Variants in NDST4 observed in about 807,000 individuals in gnomAD.
NDST4 encodes the protein N-heparan sulfate sulfotransferase 4.
In NDST4, 63 loss-of-function variants were observed where a neutral mutation model predicts 100.8. That is an observed-to-expected ratio of 0.62 (90% CI 0.51 to 0.77). The LOEUF (loss-of-function observed/expected upper bound fraction) is 0.77. Ranked by LOEUF, NDST4 falls within the 30% of genes least tolerant of loss-of-function variation. The pLI is 0.00. For synonymous variants in NDST4, 377 were observed against 361.8 expected (o/e 1.04, Z -0.48); for missense variants, 943 against 1,018.4 (o/e 0.93, Z 1.01).
In NDST4 at chr4:115,076,351, G is replaced by A. The variant is rs749465154; in HGVS notation, c.686C>T (p.Thr229Ile). The A allele has an allele frequency of 1.2e-6, 2 of 1,613,880 alleles. No individual in the cohort carries two copies. Among genetic ancestry groups the A allele is most frequent in the South Asian group, 1.1e-5 (1 of 91,090 alleles). The change falls in exon 2 of 14, where the codon ACC becomes ATC. Residue 229 changes from threonine (T) to isoleucine (I), a missense_variant. Physicochemically the swap from Thr to Ile is moderately conservative, Grantham distance 89. This residue lies in a region of NDST4 where 417 missense variants were observed against 384.2 expected (regional missense o/e 1.09). Transcript: ENST00000264363. ...DWTIFQYNHSTYQPVLLTELQ... is the reference protein window; with the variant it reads ...DWTIFQYNHSIYQPVLLTELQ... ...CTCAGTTAAAAGTACAGGCTGGTAG[G>A]TTGAATGATTATATTGGAAAATAGT...
intron 2 of NDST4, among the ~76,000 whole-genome samples, chr4:115,000,197 T>C (rs1276026174): frequency 6.6e-6 from 1 of 151,330 alleles, no homozygotes; most frequent in African/African-American, 2.4e-5. Flanking sequence ...CATCTGACAT[T>C]AAGAGGAACT....
At chr4:115,023,601 A>G (rs1014129595) in intron 2 of NDST4, among the ~76,000 whole-genome samples, 10 of 152,158 alleles carry the variant, frequency 6.6e-5, no homozygotes, top group African/African-American at 2.4e-4. Context: ...GAGAGAAACA[A>G]AGAATTAAAG....
intron 7 of NDST4, among the ~76,000 whole-genome samples, chr4:114,855,015 A>T (rs1377401982): frequency 6.6e-6 from 1 of 152,148 alleles, no homozygotes; most frequent in Non-Finnish European, 1.5e-5. Flanking sequence ...TTTGATTTGC[A>T]TTTCTCTGAT....
intron 2 of NDST4, among the ~76,000 whole-genome samples, chr4:115,063,507 A>C (rs1012259137): frequency 2.0e-5 from 3 of 151,938 alleles, no homozygotes; most frequent in Non-Finnish European, 4.4e-5. Flanking sequence ...AGGAGCATGA[A>C]AATAGCAAAT....
intron 6 of NDST4, among the ~76,000 whole-genome samples, chr4:114,910,559 TTA>T (rs1310556655): frequency 6.6e-6 from 1 of 152,152 alleles, no homozygotes; most frequent in Non-Finnish European, 1.5e-5. Context: ...CAAGATAAAT[TTA>T]TGTTTTTGAA....
chr4:114,841,862 A>G (rs1324433189), intron 10 of NDST4, among the ~76,000 whole-genome samples: 2 of 152,126 alleles, frequency 1.3e-5, no homozygotes, highest in Non-Finnish European at 2.9e-5. Context: ...TTGGATCCCA[A>G]CTACTCGACC....
At position 114,845,997 on chromosome 4, in the gene NDST4, C is replaced by T; in HGVS notation, c.1941G>A (p.Trp647Ter). Residue 647 changes from tryptophan (W) to a stop codon, truncating the protein, a stop_gained and splice_region_variant, in exon 10 of 14, where the codon TGG becomes TGA. Transcript: ENST00000264363. LOFTEE classifies it high-confidence loss of function. ...ATGGTGTAGGGAAAAAGTCCATATA[C>T]CTGAAGGCAGAGAAAGACAATTAAT... is the stretch of plus-strand genomic sequence containing the variant. The part of the protein sequence containing the change: ...NGNNYHKGID[W>*]YMDFFPTPSN... 6.3e-7 allele frequency: 1 copy of T among 1,577,262 alleles called. No homozygotes were observed. The highest frequency in any genetic ancestry group is 8.7e-7 in the Non-Finnish European group (1 of 1,154,308).
At chr4:114,929,156 C>CTATCTATCTATA (rs1560817215) in intron 6 of NDST4, among the ~76,000 whole-genome samples, 1 of 147,384 alleles carries the variant, frequency 6.8e-6, no homozygotes, top group African/African-American at 2.5e-5. Flanking sequence ...ATCTATCTAT[C>CTATCTATCTATA]TATCTATGTA....
At chr4:114,889,705 G>A (rs28448721) in intron 6 of NDST4, among the ~76,000 whole-genome samples, 6,640 of 152,220 alleles carry the variant, frequency 0.044, 451 homozygotes, top group African/African-American at 0.15. Context: ...AAGCAGCTGC[G>A]CCTTTCAGGG....
chr4:115,041,212 T>C (rs1277317305), intron 2 of NDST4, among the ~76,000 whole-genome samples: 3 of 152,096 alleles, frequency 2.0e-5, no homozygotes, highest in East Asian at 1.9e-4. Context: ...ACTCCCTTTT[T>C]TGAAGCAGAC....
At chr4:115,071,487 G>A (rs1729077270) in intron 2 of NDST4, among the ~76,000 whole-genome samples, 1 of 151,854 alleles carries the variant, frequency 6.6e-6, no homozygotes, top group African/African-American at 2.4e-5. Context: ...GTTTTATTGA[G>A]GAACAGAATA....
chr4:114,997,942 A>G (rs574526580), intron 2 of NDST4, among the ~76,000 whole-genome samples: 2 of 152,220 alleles, frequency 1.3e-5, no homozygotes, highest in Admixed American at 6.6e-5. Flanking sequence ...GTTGGAAATG[A>G]CAGGCTATGT....
At chr4:115,043,652 A>G (rs1343166669) in intron 2 of NDST4, among the ~76,000 whole-genome samples, 2 of 152,090 alleles carry the variant, frequency 1.3e-5, no homozygotes, top group African/African-American at 4.8e-5. Context: ...CAATAAATGT[A>G]TGACTGTAGA....
At chr4:115,031,006 A>G (rs973361148) in intron 2 of NDST4, among the ~76,000 whole-genome samples, 1 of 152,066 alleles carries the variant, frequency 6.6e-6, no homozygotes, top group African/African-American at 2.4e-5. Flanking sequence ...CACCCCATCT[A>G]TATTATCTCC....
At chr4:115,023,680 G>C (rs1431271808) in intron 2 of NDST4, among the ~76,000 whole-genome samples, 1 of 152,070 alleles carries the variant, frequency 6.6e-6, no homozygotes, top group Non-Finnish European at 1.5e-5. Flanking sequence ...GCCATGAAAA[G>C]AGTAAAAAAC....
At chr4:115,063,307 G>C (rs773601578) in intron 2 of NDST4, among the ~76,000 whole-genome samples, 2 of 151,900 alleles carry the variant, frequency 1.3e-5, no homozygotes, top group African/African-American at 2.4e-5. Flanking sequence ...TCTAGAGCTA[G>C]GCTCAGAGTA....
chr4:114,888,066 T>G (rs1215703891), intron 6 of NDST4, among the ~76,000 whole-genome samples: 1 of 151,938 alleles, frequency 6.6e-6, no homozygotes, highest in Non-Finnish European at 1.5e-5. Context: ...TAGCTGGGTG[T>G]GGTGGCACAG....
At chr4:114,891,515 A>G (rs1724595846) in intron 6 of NDST4, among the ~76,000 whole-genome samples, 1 of 152,046 alleles carries the variant, frequency 6.6e-6, no homozygotes, top group Non-Finnish European at 1.5e-5. Flanking sequence ...ATGCCCTGTC[A>G]GTTACCAGTC....
chr4:114,918,306 C>T (rs1359733720), intron 6 of NDST4, among the ~76,000 whole-genome samples: 1 of 146,588 alleles, frequency 6.8e-6, no homozygotes, highest in Non-Finnish European at 1.5e-5. Flanking sequence ...ACTGTGTTCT[C>T]AGAAAGATGT....
Sources: allele counts gnomAD v4.1 joint callset (sites outside exome capture counted in the v4.1 genomes callset), GRCh38; gene constraint gnomAD v4.1.1; regional missense constraint gnomAD v4.1.1; transcripts MANE v1.5; gene names NCBI Gene and HGNC (gene_info 2026-07-23, HGNC 2026-07-21).